Variants in HEATR1 observed in about 807,000 individuals in gnomAD.
The protein encoded by HEATR1 is HEAT repeat-containing protein 1.
In HEATR1, 77 loss-of-function variants were observed where a neutral mutation model predicts 248.2. The ratio of observed to expected loss-of-function variants is 0.31; its 90% confidence interval spans 0.26 to 0.37. The LOEUF is 0.37. Ranked by LOEUF, HEATR1 falls within the 10% of genes least tolerant of loss-of-function variation. The pLI, the probability that HEATR1 is intolerant of heterozygous loss-of-function variation, is 1.00. For missense variants in HEATR1, 2,420 were observed against 2,504.9 expected (o/e 0.97, Z 0.72); for synonymous variants, 897 against 923.1 (o/e 0.97, Z 0.51).
intron 20 of HEATR1, among the ~76,000 whole-genome samples, chr1:236,577,456 C>T (rs1663592931): frequency 6.7e-6 from 1 of 149,096 alleles, no homozygotes; most frequent in Non-Finnish European, 1.5e-5. Flanking sequence ...CGAATGTTTT[C>T]CATAAGTACA....
In HEATR1 at chr1:236,556,099, C is replaced by T. The variant is rs1662968057; in HGVS notation, c.5514+1G>A. 6.2e-7 allele frequency: 1 copy of T among 1,614,094 alleles called. No individual in the cohort carries two copies. The highest frequency in any genetic ancestry group is 1.3e-5 in the African/African-American group (1 of 74,924). The stretch of plus-strand genomic sequence containing the variant: ...AGTCTTAATACCCAATAAGATCTAA[C>T]CTTCCAGTTCTTCTCAATCTGCTTG... On this transcript the variant is annotated splice_donor_variant, in intron 38 of 44. Coordinates refer to ENST00000366582, the MANE Select transcript of HEATR1 (RefSeq NM_018072.6). LOFTEE classifies it high-confidence loss of function.
At chr1:236,573,046 TA>T (rs1663470736) in intron 24 of HEATR1, among the ~76,000 whole-genome samples, 1 of 152,182 alleles carries the variant, frequency 6.6e-6, no homozygotes, top group Non-Finnish European at 1.5e-5. Context: ...GAGTATACAC[TA>T]AAAGCTCTAG....
intron 20 of HEATR1, 102 bp downstream of exon 20, chr1:236,581,120 T>C: frequency 1.0e-6 from 1 of 965,446 alleles, no homozygotes; most frequent in Non-Finnish European, 1.5e-6. Flanking sequence ...GCCTGCCCTC[T>C]GCTATTTTTT....
In HEATR1 at chr1:236,549,986, A is replaced by G. The variant is rs1300876944; in HGVS notation, c.*916T>C. ...TCTATATTAGCTTCAAAGGCTTTTA[A>G]ACTCAATGCGAACATTCTACGGGAT... On this transcript the variant is annotated 3_prime_UTR_variant, in exon 45 of 45. Coordinates refer to ENST00000366582, the MANE Select transcript of HEATR1 (RefSeq NM_018072.6). 6.6e-6 allele frequency: 1 copy of G among 152,188 alleles called. No homozygotes were observed. Among genetic ancestry groups the G allele is most frequent in the African/African-American group, 2.4e-5 (1 of 41,442 alleles). The allele number at this position is 152,188 out of a possible 1,614,324, so 9.4% of individuals were successfully genotyped here.
rs774809544 is a variant in HEATR1, at chr1:236,585,157, C to G, written c.2109G>C (p.Thr703=). ...EESFNLKQKV[T]FHVILSVLVS... is the part of the protein sequence containing the mutation. ...CGAGCACAGACAGGATCACATGAAACGTTACTTTCTGCTTCAGGTTAAAGG... is the reference window on the plus strand; with the variant it reads ...CGAGCACAGACAGGATCACATGAAAGGTTACTTTCTGCTTCAGGTTAAAGG... Residue 703 remains threonine, a synonymous_variant, in exon 17 of 45, where the codon ACG becomes ACC. Transcript: ENST00000366582. The G allele has an allele frequency of 6.2e-7, 1 of 1,613,954 alleles. No homozygotes were observed. Among genetic ancestry groups the G allele is most frequent in the African/African-American group, 1.3e-5 (1 of 74,996 alleles).
intron 3 of HEATR1, chr1:236,602,893 C>A: frequency 3.0e-6 from 1 of 328,314 alleles, no homozygotes; most frequent in Non-Finnish European, 5.7e-6. Flanking sequence ...TATTGCACTC[C>A]AGCCTGAGTG....
Position 236,582,741 on chromosome 1 carries a change from T to C in HEATR1, c.2557A>G (p.Ile853Val). 13 of 1,614,150 alleles carry C rather than the reference T, an allele frequency of 8.1e-6. No individual in the cohort carries two copies. Among genetic ancestry groups the C allele is most frequent in the African/African-American group, 1.3e-5 (1 of 75,056 alleles). The change falls in exon 19 of 45, where the codon ATA becomes GTA. Residue 853 changes from isoleucine to valine, a missense_variant. Ile to Val is a conservative substitution (Grantham distance 29). Transcript: ENST00000366582. ...VHFRVLMKLF[I>V]KVHLEDVFQL... ...GAAAAGGAGGAGGCTTGTACCTTTA[T>C]GAAAAGTTTCATCAGAACTCTGAAA...
At chr1:236,589,498 A>AC (rs398089985) in intron 12 of HEATR1, among the ~76,000 whole-genome samples, 136 of 151,866 alleles carry the variant, frequency 9.0e-4, no homozygotes, top group Admixed American at 3.9e-3. Context: ...TAAAACAAAA[A>AC]TTTTTTTTTA....
chr1:236,583,098 CCT>C lies in HEATR1; in HGVS notation c.2338_2339del (p.Arg780GlyfsTer24). On this transcript the variant is annotated frameshift_variant, in exon 18 of 45. Transcript: ENST00000366582. LOFTEE classifies it high-confidence loss of function. The part of the protein sequence containing the change: ...HYVEELNSTQ[R>X]VAVEDSVFLV... ...GAAAAACCGAGTCCTCCACGGCCAC[CCT>C]CTGAGTGCTGTTGAGCTCTTCTACA... The C allele has an allele frequency of 6.2e-7, 1 of 1,614,148 alleles. No individual in the cohort carries two copies. The highest frequency in any genetic ancestry group is 8.5e-7 in the Non-Finnish European group (1 of 1,180,006).
intron 34 of HEATR1, among the ~76,000 whole-genome samples, 178 bp from the exon 35 acceptor site, chr1:236,559,313 C>T (rs987557941): frequency 3.9e-5 from 6 of 152,138 alleles, no homozygotes; most frequent in Non-Finnish European, 7.3e-5. Context: ...CACACATTAT[C>T]GAACAAAACA....
At chr1:236,570,055 G>A (rs1045294979) in intron 28 of HEATR1, among the ~76,000 whole-genome samples, 1 of 152,288 alleles carries the variant, frequency 6.6e-6, no homozygotes, top group South Asian at 2.1e-4. Context: ...TTGGGAGGCC[G>A]AGGCGGGCGG....
At chr1:236,556,523 G>A (rs1174885648) in intron 37 of HEATR1, among the ~76,000 whole-genome samples, 1 of 152,204 alleles carries the variant, frequency 6.6e-6, no homozygotes, top group East Asian at 1.9e-4. Context: ...TTTTCTTAGA[G>A]GACAGGAATG....
chr1:236,591,956 C>A, intron 11 of HEATR1, 37 bp downstream of exon 11: 15 of 1,293,690 alleles, frequency 1.2e-5, no homozygotes, highest in Non-Finnish European at 1.6e-5. Context: ...TACAAATGTA[C>A]CCCAAATTGT....
chr1:236,579,045 C>T lies in HEATR1; in HGVS notation c.2756-2096G>A, dbSNP rs191007459. Reference sequence around the variant, plus strand: ...CATTATACTTTCCATTTCTGAAATACTAAGATAAAGCTTGACAAGGTTTCA... The same window carrying T: ...CATTATACTTTCCATTTCTGAAATATTAAGATAAAGCTTGACAAGGTTTCA... On this transcript the variant is annotated intron_variant, in intron 20 of 44. Coordinates refer to ENST00000366582, the MANE Select transcript of HEATR1 (RefSeq NM_018072.6). Among the ~76,000 whole-genome samples, 388 of 152,276 alleles carry T rather than the reference C, an allele frequency of 2.5e-3. 3 individuals are homozygous for T. Among genetic ancestry groups the T allele is most frequent in the Middle Eastern group, 0.014 (4 of 294 alleles).
intron 1 of HEATR1, 78 bp downstream of exon 1, chr1:236,604,344 G>A (rs1664416332): frequency 2.6e-6 from 1 of 383,608 alleles, no homozygotes; most frequent in South Asian, 7.0e-5. Context: ...TGATTCCGCA[G>A]ATATCCGGAA....
rs1047712222 is a variant in HEATR1, at chr1:236,574,105, T to C, written c.3459+97A>G. ...TTTGTTAATGGTAACATCTGACCTC[T>C]TACAAGCACTATAAAATACAGGACT... On this transcript the variant is annotated intron_variant, in intron 24 of 44. Transcript: ENST00000366582. 3.6e-6 allele frequency: 4 copies of C among 1,098,770 alleles called. No individual in the cohort carries two copies. In the Admixed American group the frequency reaches 8.6e-5, roughly 24 times the overall value. The allele number at this position is 1,098,770 out of a possible 1,614,324, so 68.1% of individuals were successfully genotyped here. A position where few individuals can be genotyped will look rare whatever the true frequency, so the allele number is the denominator to read the frequency against.
chr1:236,587,542 T>A (rs768289596), intron 13 of HEATR1, 52 bp from the exon 14 acceptor site: 4 of 791,178 alleles, frequency 5.1e-6, no homozygotes, highest in Non-Finnish European at 5.7e-6. Context: ...CAAACATGTA[T>A]GGCGCTTTTT....
In HEATR1 at chr1:236,565,930, T is replaced by C; in HGVS notation, c.4424A>G (p.Glu1475Gly). ...CGATCTACGCTTACCTTCTTTTTCC[T>C]CTGGCAGCTTTAGTAAGTACTGGAG... ...NILQYLLKLP[E>G]EKEETIPKAV... Residue 1475 changes from glutamate (E) to glycine (G), a missense_variant, in exon 31 of 45, where the codon GAG (glutamate) becomes GGG (glycine). Coordinates refer to ENST00000366582, the MANE Select transcript of HEATR1 (RefSeq NM_018072.6). 6.2e-7 allele frequency: 1 copy of C among 1,613,566 alleles called. No homozygotes were observed. The highest frequency in any genetic ancestry group is 1.1e-5 in the South Asian group (1 of 90,964).
chr1:236,599,731 C>T (rs477226), intron 3 of HEATR1, 107 bp from the exon 4 acceptor site: 115,027 of 1,045,128 alleles, frequency 0.11, 7,085 homozygotes, highest in Middle Eastern at 0.14. Context: ...CAACCTAGAA[C>T]GAGTAGCAGT....
Sources: allele counts gnomAD v4.1 joint callset (sites outside exome capture counted in the v4.1 genomes callset), GRCh38; gene constraint gnomAD v4.1.1; transcripts MANE v1.5; gene names NCBI Gene and HGNC (gene_info 2026-07-23, HGNC 2026-07-21).